ITGA9: variants seen among roughly 807,000 people sequenced by gnomAD.
ITGA9 encodes the protein integrin subunit alpha 9.
In ITGA9, 56 loss-of-function variants were observed where a neutral mutation model predicts 127.8. The observed-to-expected ratio is 0.44, with a 90% CI of 0.35 to 0.55. The LOEUF (loss-of-function observed/expected upper bound fraction) is 0.55, where lower values mean the gene tolerates loss of function less well. ITGA9 is among the 20% of genes least tolerant of loss of function. The pLI is 0.00. For synonymous variants in ITGA9, 508 were observed against 514.5 expected, an observed-to-expected ratio of 0.99 and a Z score of 0.17; for missense variants, 1,196 against 1,347.1, an observed-to-expected ratio of 0.89 and a Z score of 1.76.
intron 16 of ITGA9, among the ~76,000 whole-genome samples, chr3:37,633,784 C>T (rs927083832): frequency 2.6e-5 from 4 of 152,256 alleles, no homozygotes; most frequent in Non-Finnish European, 5.9e-5. Flanking sequence ...CCTCCTAATC[C>T]TATAACTGAC....
chr3:37,710,400 TC>T (rs78035309), intron 18 of ITGA9, among the ~76,000 whole-genome samples: 26 of 148,500 alleles, frequency 1.8e-4, no homozygotes, highest in South Asian at 4.3e-4. Context: ...GAAATAAATA[TC>T]CCCCCCCCAC....
chr3:37,682,371 G>T (rs1281277370), intron 17 of ITGA9, among the ~76,000 whole-genome samples: 1 of 152,228 alleles, frequency 6.6e-6, no homozygotes, highest in African/African-American at 2.4e-5. Context: ...TGGCCTGTCT[G>T]CCATATTGGA....
At chr3:37,551,475 C>CTT (rs56812403) in intron 15 of ITGA9, among the ~76,000 whole-genome samples, 27,452 of 152,078 alleles carry the variant, frequency 0.18, 3,444 homozygotes, top group African/African-American at 0.36. Context: ...TGTGAACAAT[C>CTT]TGGTTTTCTT....
intron 17 of ITGA9, among the ~76,000 whole-genome samples, chr3:37,680,325 T>C (rs1417946956): frequency 3.9e-5 from 6 of 152,282 alleles, no homozygotes; most frequent in African/African-American, 1.4e-4. Flanking sequence ...GTCAAAGACT[T>C]TTTTAGCTTT....
At chr3:37,463,198 T>A (rs1402588946) in intron 1 of ITGA9, among the ~76,000 whole-genome samples, 1 of 152,248 alleles carries the variant, frequency 6.6e-6, no homozygotes, top group Admixed American at 6.5e-5. Flanking sequence ...CGGTCCAGAT[T>A]CCGTCAGAAG....
chr3:37,674,237 G>T (rs1306319059), intron 17 of ITGA9, among the ~76,000 whole-genome samples: 1 of 152,242 alleles, frequency 6.6e-6, no homozygotes, highest in Non-Finnish European at 1.5e-5. Flanking sequence ...AAATCCAGGG[G>T]ACTTTGGAAT....
chr3:37,615,631 C>A (rs1700066658), intron 15 of ITGA9, among the ~76,000 whole-genome samples: 1 of 152,174 alleles, frequency 6.6e-6, no homozygotes, highest in Non-Finnish European at 1.5e-5. Flanking sequence ...TTAATTGTTG[C>A]CTCAATTTCA....
chr3:37,542,862 A>G (rs1322407846), intron 15 of ITGA9, among the ~76,000 whole-genome samples: 1 of 151,918 alleles, frequency 6.6e-6, no homozygotes, highest in Non-Finnish European at 1.5e-5. Flanking sequence ...GAGGTTTCTC[A>G]TCCTCTCCCC....
At chr3:37,610,528 A>T (rs1700006064) in intron 15 of ITGA9, among the ~76,000 whole-genome samples, 2 of 152,204 alleles carry the variant, frequency 1.3e-5, no homozygotes, top group Admixed American at 6.5e-5. Flanking sequence ...CTGGGATCAT[A>T]TTGGCAAACT....
intron 18 of ITGA9, among the ~76,000 whole-genome samples, chr3:37,686,479 A>C (rs757397958): frequency 1.3e-5 from 2 of 152,172 alleles, no homozygotes; most frequent in Admixed American, 1.3e-4. Flanking sequence ...CATGCTGGAC[A>C]AGGAGGCTCT....
chr3:37,637,459 CT>C (rs1161256032), intron 16 of ITGA9, among the ~76,000 whole-genome samples: 11 of 152,052 alleles, frequency 7.2e-5, no homozygotes, highest in African/African-American at 2.7e-4. Flanking sequence ...TATAAGAATG[CT>C]TGTGATTTTT....
chr3:37,606,408 A>T (rs1320276017), intron 15 of ITGA9, among the ~76,000 whole-genome samples: 1 of 152,184 alleles, frequency 6.6e-6, no homozygotes, highest in African/African-American at 2.4e-5. Context: ...TGTGGCTATC[A>T]GGGTAGAAGA....
chr3:37,732,218 A>G (rs549736613), intron 18 of ITGA9, among the ~76,000 whole-genome samples: 2 of 151,314 alleles, frequency 1.3e-5, no homozygotes, highest in Non-Finnish European at 3.0e-5. Context: ...CCCTCCCCAC[A>G]CCCTGGGGAG....
At chr3:37,624,140 T>G (rs1469179603) in intron 15 of ITGA9, among the ~76,000 whole-genome samples, 1 of 151,780 alleles carries the variant, frequency 6.6e-6, no homozygotes, top group East Asian at 1.9e-4. Context: ...GGGCCAACCC[T>G]TCCTGTTTTC....
chr3:37,588,408 G>A (rs544767389), intron 15 of ITGA9, among the ~76,000 whole-genome samples: 23 of 146,944 alleles, frequency 1.6e-4, no homozygotes, highest in African/African-American at 4.2e-4. Context: ...TCCAAGCTTC[G>A]TCCACCCCCT....
chr3:37,491,767 G>A (rs1405582207), intron 4 of ITGA9, among the ~76,000 whole-genome samples: 1 of 152,194 alleles, frequency 6.6e-6, no homozygotes, highest in African/African-American at 2.4e-5. Flanking sequence ...TTAGATACGA[G>A]TATGGTAGAA....
intron 17 of ITGA9, among the ~76,000 whole-genome samples, chr3:37,656,556 G>C (rs1219650755): frequency 6.6e-6 from 1 of 152,152 alleles, no homozygotes; most frequent in East Asian, 1.9e-4. Context: ...TCCTGAGACT[G>C]CTGAAGTTGC....
chr3:37,693,596 T>A (rs530910020), intron 18 of ITGA9, among the ~76,000 whole-genome samples: 1 of 152,206 alleles, frequency 6.6e-6, no homozygotes, highest in Non-Finnish European at 1.5e-5. Flanking sequence ...CACTTGCTAA[T>A]CTGGATAGAG....
At chr3:37,513,933 T>C in intron 9 of ITGA9, 33 bp downstream of exon 9, 1 of 1,611,574 alleles carries the variant, frequency 6.2e-7, no homozygotes, top group Non-Finnish European at 8.5e-7. Context: ...TGCGGATGGG[T>C]GTGGGGGAGG....
Sources: gnomAD v4.1 joint callset for allele counts (sites outside exome capture counted in the v4.1 genomes callset) on GRCh38, gnomAD v4.1.1 for gene constraint, MANE v1.5 for transcripts, NCBI Gene and HGNC (gene_info 2026-07-23, HGNC 2026-07-21) for gene names.